Variants in TAFA5 observed in about 807,000 individuals in gnomAD.
TAFA5 encodes the protein chemokine-like protein TAFA-5.
Under a neutral mutation model 15.3 loss-of-function variants are expected in TAFA5, and 6 were observed. The ratio of observed to expected loss-of-function variants is 0.39; its 90% CI spans 0.21 to 0.77. The LOEUF (loss-of-function observed/expected upper bound fraction) is 0.77, where lower values mean the gene tolerates loss of function less well. Ranked by LOEUF, TAFA5 falls within the 30% of genes least tolerant of loss-of-function variation. TAFA5 has a pLI of 0.41. For missense variants in TAFA5, 161 were observed against 193.1 expected (o/e 0.83, Z 0.98); for synonymous variants, 103 against 80.7 (o/e 1.28, Z -1.48).
At chr22:48,513,717 G>C (rs897703958) in intron 1 of TAFA5, among the ~76,000 whole-genome samples, 1 of 152,236 alleles carries the variant, frequency 6.6e-6, no homozygotes, top group African/African-American at 2.4e-5. Flanking sequence ...AGGAGGTGCC[G>C]TGCCTTGCTC....
In TAFA5 at chr22:48,566,839, T is replaced by G. The variant is rs577442755; in HGVS notation, c.112+77135T>G. ...TCAAAGCCCTGGGTCCATGCAGCCC[T>G]TGTGGTTCTGCAGCTTTTTTGCCGT... On this transcript the variant is annotated intron_variant, in intron 1 of 3. Transcript: ENST00000402357. The surrounding 1 kb of genome is among the most constrained non-coding windows in gnomAD (Gnocchi z 4.5). 6.6e-6 allele frequency among the ~76,000 whole-genome samples: 1 copy of G among 152,360 alleles called. No homozygotes were observed. Among genetic ancestry groups the G allele is most frequent in the South Asian group, 2.1e-4 (1 of 4,826 alleles).
chr22:48,572,506 G>A (rs1195739549), intron 1 of TAFA5, among the ~76,000 whole-genome samples: 4 of 152,184 alleles, frequency 2.6e-5, no homozygotes, highest in African/African-American at 7.2e-5. Context: ...CTTTGGACCT[G>A]CTGACCCTGC....
At chr22:48,687,905 T>C (rs1467149305) in intron 2 of TAFA5, among the ~76,000 whole-genome samples, 1 of 152,174 alleles carries the variant, frequency 6.6e-6, no homozygotes, top group Non-Finnish European at 1.5e-5. Context: ...ACTTTCCTTT[T>C]TGGACATTAA....
chr22:48,491,899 ATT>A (rs1421204376), intron 1 of TAFA5, among the ~76,000 whole-genome samples: 1 of 152,246 alleles, frequency 6.6e-6, no homozygotes, highest in Admixed American at 6.5e-5. Flanking sequence ...GACAAGGACA[ATT>A]GGTAAGAAGG....
chr22:48,521,283 G>C (rs1347460415), intron 1 of TAFA5, among the ~76,000 whole-genome samples: 1 of 152,056 alleles, frequency 6.6e-6, no homozygotes. Context: ...TCCCGATTTG[G>C]GTTTGTTGTA....
Position 48,619,392 on chromosome 22 carries a change from G to T in TAFA5, c.113-27205G>T, listed in dbSNP as rs187592214. Among the ~76,000 whole-genome samples the T allele has an allele frequency of 6.6e-5, 10 of 152,336 alleles. No homozygotes were observed. In the East Asian group the frequency reaches 1.9e-3, roughly 29 times the overall value. ...TGGTTTATAGACAGAGTCTCACTCT[G>T]TCGCCCAGGCTGGAGTGCAGTGGCA... On this transcript the variant is annotated intron_variant, in intron 1 of 3. Transcript: ENST00000402357.
chr22:48,607,651 C>G (rs1396415475), intron 1 of TAFA5, among the ~76,000 whole-genome samples: 1 of 140,502 alleles, frequency 7.1e-6, no homozygotes, highest in Non-Finnish European at 1.6e-5. Flanking sequence ...CAGTCTGGAG[C>G]AGGTCTGTCC....
intron 1 of TAFA5, among the ~76,000 whole-genome samples, chr22:48,628,969 C>A (rs961636574): frequency 6.6e-6 from 1 of 152,094 alleles, no homozygotes; most frequent in African/African-American, 2.4e-5. Context: ...GGCGCCGTTT[C>A]CCTTAGACCT....
intron 1 of TAFA5, among the ~76,000 whole-genome samples, chr22:48,568,287 G>A (rs558283993): frequency 6.6e-6 from 1 of 152,302 alleles, no homozygotes; most frequent in African/African-American, 2.4e-5. Context: ...TCCTCTTCTG[G>A]TTTTCTATCT....
chr22:48,617,879 C>G (rs983022291), intron 1 of TAFA5, among the ~76,000 whole-genome samples: 1 of 152,082 alleles, frequency 6.6e-6, no homozygotes, highest in Non-Finnish European at 1.5e-5. Flanking sequence ...CCAGCCTGTC[C>G]TTACGTGGTG....
chr22:48,518,956 C>T (rs943012299), intron 1 of TAFA5, among the ~76,000 whole-genome samples: 24 of 152,162 alleles, frequency 1.6e-4, no homozygotes, highest in African/African-American at 5.8e-4. Context: ...CCCAGCTCAC[C>T]TGTCCGTCAA....
chr22:48,658,328 G>A (rs1472466151), intron 2 of TAFA5, among the ~76,000 whole-genome samples: 1 of 152,230 alleles, frequency 6.6e-6, no homozygotes, highest in African/African-American at 2.4e-5. Flanking sequence ...GGAGGACAGA[G>A]GCAGGTCCCT....
intron 1 of TAFA5, among the ~76,000 whole-genome samples, chr22:48,608,120 C>CAGGCTGCCAGCCCCTCCCACGGCCCG (rs1569045458): frequency 6.6e-6 from 1 of 151,780 alleles, no homozygotes; most frequent in Non-Finnish European, 1.5e-5. Flanking sequence ...CCCACGGCCC[C>CAGGCTGCCAGCCCCTCCCACGGCCCG]GGGCTGCCAG....
intron 1 of TAFA5, among the ~76,000 whole-genome samples, chr22:48,517,856 G>T (rs562708616): frequency 6.6e-6 from 1 of 152,224 alleles, no homozygotes; most frequent in Non-Finnish European, 1.5e-5. Context: ...AGGCACGGCC[G>T]GGTGGGGGTG....
At chr22:48,656,396 C>A (rs1313591685) in intron 2 of TAFA5, among the ~76,000 whole-genome samples, 1 of 151,816 alleles carries the variant, frequency 6.6e-6, no homozygotes, top group South Asian at 2.1e-4. Context: ...GTCTTAGCTA[C>A]TTGGGAGGCT....
rs1391796802 is a variant in TAFA5 at position 48,560,613 on chromosome 22, A to G, written c.112+70909A>G. ...ATTATATTATTATTATTAATTATTT[A>G]TTTATTTATTTTTGAGATGGAGTTT... On this transcript the variant is annotated intron_variant, in intron 1 of 3. Transcript: ENST00000402357. The surrounding 1 kb of genome is among the most constrained non-coding windows in gnomAD (Gnocchi z 4.2). 6.7e-6 allele frequency among the ~76,000 whole-genome samples: 1 copy of G among 149,714 alleles called. No individual in the cohort carries two copies. The highest frequency in any genetic ancestry group is 1.5e-5 in the Non-Finnish European group (1 of 67,584).
chr22:48,677,004 C>T (rs925316613), intron 2 of TAFA5, among the ~76,000 whole-genome samples: 3 of 152,342 alleles, frequency 2.0e-5, no homozygotes, highest in African/African-American at 7.2e-5. Flanking sequence ...GCAGAAGACT[C>T]TGCTCTCTCG....
chr22:48,698,802 GC>G (rs1928809935), intron 2 of TAFA5, among the ~76,000 whole-genome samples: 1 of 151,122 alleles, frequency 6.6e-6, no homozygotes, highest in Non-Finnish European at 1.5e-5. Flanking sequence ...CCCGTGCGTG[GC>G]CGGGGCTGTG....
chr22:48,508,968 C>T (rs977320457), intron 1 of TAFA5, among the ~76,000 whole-genome samples: 3 of 152,212 alleles, frequency 2.0e-5, no homozygotes, highest in Non-Finnish European at 2.9e-5. Flanking sequence ...CCCTAGCCTC[C>T]TCCCCTCTCC....
Sources: gnomAD v4.1 joint callset for allele counts (sites outside exome capture counted in the v4.1 genomes callset) on GRCh38, gnomAD v4.1.1 for gene constraint, Gnocchi (gnomAD v3.1) non-coding constraint, MANE v1.5 for transcripts, NCBI Gene and HGNC (gene_info 2026-07-23, HGNC 2026-07-21) for gene names.